The following SP140 variants were observed in gnomAD, a reference collection of about 807,000 sequenced individuals.
SP140 encodes SP140 nuclear body protein, also known as nuclear body protein SP140.
Under a neutral mutation model 125.0 loss-of-function variants are expected in SP140, and 81 were observed. That is an observed-to-expected ratio of 0.65 (90% CI 0.54 to 0.78). The LOEUF (loss-of-function observed/expected upper bound fraction) is 0.78. Ranked by LOEUF, SP140 falls within the 30% of genes least tolerant of loss-of-function variation. The pLI, the probability that SP140 is intolerant of heterozygous loss-of-function variation, is 0.00. For synonymous variants in SP140, 312 were observed against 354.0 expected, an observed-to-expected ratio of 0.88 and a Z score of 1.33; for missense variants, 858 against 1,037.0, an observed-to-expected ratio of 0.83 and a Z score of 2.37.
At chr2:230,290,032 C>T (rs1346511073) in intron 18 of SP140, among the ~76,000 whole-genome samples, 1 of 152,148 alleles carries the variant, frequency 6.6e-6, no homozygotes, top group Non-Finnish European at 1.5e-5. Context: ...TCATTACCCT[C>T]TCCCTGCTTG....
intron 22 of SP140, among the ~76,000 whole-genome samples, chr2:230,307,521 G>A (rs553863182): frequency 6.6e-6 from 1 of 152,334 alleles, no homozygotes; most frequent in East Asian, 1.9e-4. Context: ...CAAGCTTCTA[G>A]GTGCCAGCAC....
intron 14 of SP140, 67 bp from the exon 15 acceptor site, chr2:230,270,518 AT>A (rs1385667474): frequency 2.9e-5 from 42 of 1,440,100 alleles, no homozygotes; most frequent in Non-Finnish European, 3.8e-5. Context: ...TGTAGTATAC[AT>A]TGTCCTAAAA....
At chr2:230,197,708 A>G in the SP140 span, among the ~76,000 whole-genome samples, 1 of 151,944 alleles carries the variant, frequency 6.6e-6, no homozygotes, top group Non-Finnish European at 1.5e-5. Flanking sequence ...TCCATCTTGA[A>G]TTAATTTTTG....
intron 15 of SP140, among the ~76,000 whole-genome samples, chr2:230,280,424 T>G (rs985349788): frequency 6.6e-6 from 1 of 152,212 alleles, no homozygotes; most frequent in Non-Finnish European, 1.5e-5. Context: ...ACTTAACTTT[T>G]GTAGTTTTGT....
chr2:230,265,156 A>T (rs1012867658), intron 12 of SP140, among the ~76,000 whole-genome samples: 1 of 151,384 alleles, frequency 6.6e-6, no homozygotes, highest in Non-Finnish European at 1.5e-5. Context: ...GCTGTGGGGG[A>T]TGGGGGTGAG....
At chr2:230,269,369 G>A (rs1222030991) in intron 12 of SP140, among the ~76,000 whole-genome samples, 163 bp from the exon 13 acceptor site, 2 of 103,044 alleles carry the variant, frequency 1.9e-5, no homozygotes, top group Non-Finnish European at 5.1e-5. Flanking sequence ...GGAGAGCGTG[G>A]CTCTGTTATG....
upstream of SP140, among the ~76,000 whole-genome samples, chr2:230,201,403 C>T (rs2043172930): frequency 6.6e-6 from 1 of 152,184 alleles, no homozygotes; most frequent in South Asian, 2.1e-4. Context: ...ACTGCTGGTG[C>T]CTTAAGACAC....
intron 12 of SP140, among the ~76,000 whole-genome samples, chr2:230,267,665 T>C (rs1325188486): frequency 6.6e-6 from 1 of 152,190 alleles, no homozygotes; most frequent in Non-Finnish European, 1.5e-5. Flanking sequence ...AGTGAACATT[T>C]TGTCGGGGAG....
chr2:230,295,982 T>C (rs1358824149), intron 21 of SP140, among the ~76,000 whole-genome samples: 1 of 152,032 alleles, frequency 6.6e-6, no homozygotes. Flanking sequence ...CTTGAGCCTA[T>C]AATGCCAGCA....
intron 12 of SP140, among the ~76,000 whole-genome samples, chr2:230,265,869 C>G (rs939493313): frequency 3.9e-5 from 6 of 151,932 alleles, no homozygotes; most frequent in Admixed American, 3.9e-4. Context: ...TGGTCACGAA[C>G]CATGGCCTAT....
In SP140 at chr2:230,248,902, A is replaced by G; in HGVS notation, c.910A>G (p.Thr304Ala). ...ATCTGCAGAGACCTTTGATCTAAAA[A>G]CTCCCCAAGTCACTAATGAAGGAGA... ...GRDKETFDLK[T>A]PQVTNEGEPE... Residue 304 changes from threonine (T) to alanine (A), a missense_variant, in exon 9 of 27, where the codon ACT becomes GCT. Thr to Ala is a moderately conservative substitution (Grantham distance 58). Coordinates refer to ENST00000392045, the MANE Select transcript of SP140 (RefSeq NM_007237.5). 10 of 1,612,378 alleles carry G rather than the reference A, an allele frequency of 6.2e-6. No homozygotes were observed. Among genetic ancestry groups the G allele is most frequent in the Non-Finnish European group, 8.5e-6 (10 of 1,178,730 alleles).
chr2:230,245,074 G>A lies in SP140; in HGVS notation c.658G>A (p.Gly220Arg). The change falls in exon 6 of 27, where the codon GGG (glycine) becomes AGG (arginine). Residue 220 changes from glycine (G) to arginine (R), a missense_variant. By Grantham distance (125) the Gly-to-Arg change is moderately radical. Around this residue, in one of 4 missense-constraint regions of SP140, gnomAD observed 791 missense variants for 869.5 expected, o/e 0.91. Transcript: ENST00000392045. ...AEDAPSLLPG[G>R]GVSCKLAIQI... ...AGATGCACCCAGCCTACTACCAGGT[G>A]GGGGAGGTAATTATGATTTAAATGA... The A allele has an allele frequency of 1.2e-6, 2 of 1,608,344 alleles. No homozygotes were observed. Among genetic ancestry groups the A allele is most frequent in the African/African-American group, 1.3e-5 (1 of 74,840 alleles).
At position 230,252,836 on chromosome 2, in the gene SP140, C is replaced by T. The variant is rs552011826; in HGVS notation, c.1058-480C>T. On this transcript the variant is annotated intron_variant, in intron 10 of 26. Transcript: ENST00000392045. ...GCCAGCTGGGGGTTCAGGGCCGGGT[C>T]ACAGGGTCAGAATAGAAAGAAGCCC... 2.0e-4 allele frequency among the ~76,000 whole-genome samples: 30 copies of T among 151,978 alleles called. No individual in the cohort carries two copies. In the South Asian group the frequency reaches 5.8e-3, roughly 29 times the overall value.
Position 230,238,901 on chromosome 2 carries a change from G to T in SP140, c.406+520G>T, listed in dbSNP as rs1468867438. On this transcript the variant is annotated intron_variant, in intron 3 of 26. Coordinates refer to ENST00000392045, the MANE Select transcript of SP140 (RefSeq NM_007237.5). The stretch of plus-strand genomic sequence containing the variant: ...GCTATGAAGACAGAAAAGGGGGTTG[G>T]TGGGGGCCTTTCCGAACCATGTGGT... 1.9e-6 allele frequency: 3 copies of T among 1,550,824 alleles called. No individual in the cohort carries two copies. The African/African-American group carries it at 4.1e-5, about 21-fold the overall frequency.
At chr2:230,284,634 G>A (rs1390500494) in intron 16 of SP140, among the ~76,000 whole-genome samples, 2 of 152,190 alleles carry the variant, frequency 1.3e-5, no homozygotes, top group Admixed American at 6.5e-5. Flanking sequence ...TAATAGGGAG[G>A]TGTTATCATC....
At chr2:230,250,323 G>T (rs1162561652) in intron 9 of SP140, among the ~76,000 whole-genome samples, 1 of 152,102 alleles carries the variant, frequency 6.6e-6, no homozygotes, top group African/African-American at 2.4e-5. Context: ...GATTTCTGTG[G>T]CTTCCACCCT....
At position 230,240,357 on chromosome 2, in the gene SP140, C is replaced by T. The variant is rs1204572934; in HGVS notation, c.407-1047C>T. ...TTAAAAACTATGCATCCAAAGTCAC[C>T]ATTAAGAAAAGGAAAAAACAAGCCA... On this transcript the variant is annotated intron_variant, in intron 3 of 26. Transcript: ENST00000392045. Among the ~76,000 whole-genome samples the T allele has an allele frequency of 5.9e-5, 9 of 152,128 alleles. No homozygotes were observed. In the East Asian group the frequency reaches 1.7e-3, roughly 29 times the overall value.
At chr2:230,307,773 T>G (rs900552076) in intron 22 of SP140, among the ~76,000 whole-genome samples, 1 of 151,970 alleles carries the variant, frequency 6.6e-6, no homozygotes. Context: ...CTGAGCCAAG[T>G]GCAGCCTGCC....
At chr2:230,300,428 C>T (rs1213092881) in intron 22 of SP140, among the ~76,000 whole-genome samples, 2 of 152,190 alleles carry the variant, frequency 1.3e-5, no homozygotes, top group Non-Finnish European at 2.9e-5. Context: ...CACTGGAGCA[C>T]GTGCTGGTAC....
Sources: allele counts gnomAD v4.1 joint callset (sites outside exome capture counted in the v4.1 genomes callset), GRCh38; gene constraint gnomAD v4.1.1; regional missense constraint gnomAD v4.1.1; transcripts MANE v1.5; gene names NCBI Gene and HGNC (gene_info 2026-07-23, HGNC 2026-07-21).